HEMK2: variants seen among roughly 807,000 people sequenced by gnomAD.
The protein encoded by HEMK2 is HemK methyltransferase 2, ETF1 glutamine and histone H4 lysine.
the HEMK2 span, among the ~76,000 whole-genome samples, chr21:28,636,844 G>A: frequency 1.3e-3 from 200 of 152,202 alleles, 1 homozygote; most frequent in African/African-American, 4.3e-3. Flanking sequence ...ACTTTTACCC[G>A]AGTCCCTCAT....
At chr21:28,582,731 T>C in the HEMK2 span, among the ~76,000 whole-genome samples, 2 of 152,240 alleles carry the variant, frequency 1.3e-5, no homozygotes, top group Admixed American at 1.3e-4. Context: ...TACACAATTA[T>C]TGATATCTTA....
chr21:28,734,539 TGTAAAACAATTATA>T, the HEMK2 span, among the ~76,000 whole-genome samples: 2 of 152,200 alleles, frequency 1.3e-5, no homozygotes, highest in African/African-American at 4.8e-5. Flanking sequence ...TTACATGAAG[TGTAAAACAATTATA>T]AATGAATTGT....
chr21:28,863,410 TTATATATATATATA>T, the HEMK2 span, among the ~76,000 whole-genome samples: 551 of 38,828 alleles, frequency 0.014, 23 homozygotes, highest in Middle Eastern at 0.023. Context: ...AAACTCCCTT[TTATATATATATATA>T]TATATATATA....
the HEMK2 span, among the ~76,000 whole-genome samples, chr21:28,776,121 G>T: frequency 6.6e-6 from 1 of 152,218 alleles, no homozygotes; most frequent in African/African-American, 2.4e-5. Flanking sequence ...GAAAAGTCTA[G>T]CAGACAGGCA....
chr21:28,803,919 C>T, the HEMK2 span, among the ~76,000 whole-genome samples: 10 of 152,286 alleles, frequency 6.6e-5, no homozygotes, highest in East Asian at 1.2e-3. Context: ...AGAAGGGCAA[C>T]GAGTTATGCA....
chr21:28,652,745 A>G, the HEMK2 span, among the ~76,000 whole-genome samples: 2 of 152,072 alleles, frequency 1.3e-5, no homozygotes. Flanking sequence ...TAAGACATAA[A>G]CCAGATTATC....
At chr21:28,766,494 C>T in the HEMK2 span, among the ~76,000 whole-genome samples, 12,796 of 151,928 alleles carry the variant, frequency 0.084, 1,236 homozygotes, top group African/African-American at 0.23. Flanking sequence ...CCAGCAATCA[C>T]ACTACTGGCT....
the HEMK2 span, chr21:28,674,962 T>C: frequency 6.6e-5 from 10 of 152,330 alleles, no homozygotes; most frequent in African/African-American, 1.9e-4. Flanking sequence ...TTTAATACTA[T>C]TGAATTGGGA....
At chr21:28,700,117 C>T in the HEMK2 span, among the ~76,000 whole-genome samples, 1 of 152,182 alleles carries the variant, frequency 6.6e-6, no homozygotes, top group East Asian at 1.9e-4. Flanking sequence ...CCAGGGTGTC[C>T]CCATCTCTCT....
the HEMK2 span, among the ~76,000 whole-genome samples, chr21:28,680,732 C>G: frequency 1.3e-5 from 2 of 152,182 alleles, no homozygotes; most frequent in Non-Finnish European, 2.9e-5. Context: ...CCCTGGGATG[C>G]AAGGCTGGTT....
At chr21:28,624,389 C>T in the HEMK2 span, among the ~76,000 whole-genome samples, 1 of 152,146 alleles carries the variant, frequency 6.6e-6, no homozygotes, top group East Asian at 1.9e-4. Context: ...CACTTCTCTC[C>T]GTAATACATA....
At chr21:28,576,711 GT>G in the HEMK2 span, among the ~76,000 whole-genome samples, 2 of 151,898 alleles carry the variant, frequency 1.3e-5, no homozygotes, top group African/African-American at 4.8e-5. Flanking sequence ...TTCTGGGTTT[GT>G]TTTGTTTTGT....
At chr21:28,666,810 C>T in the HEMK2 span, among the ~76,000 whole-genome samples, 7 of 152,086 alleles carry the variant, frequency 4.6e-5, no homozygotes, top group Non-Finnish European at 1.0e-4. Context: ...AAAATATAGT[C>T]GTTAGTTCTC....
chr21:28,712,033 C>T, the HEMK2 span, among the ~76,000 whole-genome samples: 1 of 152,152 alleles, frequency 6.6e-6, no homozygotes, highest in Admixed American at 6.5e-5. Context: ...ATCATAATAC[C>T]ATCACCTTGG....
the HEMK2 span, among the ~76,000 whole-genome samples, chr21:28,788,028 C>T: frequency 6.6e-6 from 1 of 151,736 alleles, no homozygotes; most frequent in Non-Finnish European, 1.5e-5. Context: ...CTATTTCAAA[C>T]TAGACTATAA....
chr21:28,577,474 C>A, the HEMK2 span: 2 of 152,144 alleles, frequency 1.3e-5, no homozygotes, highest in African/African-American at 4.8e-5. Context: ...TATAAGTTTT[C>A]TTTATCCATA....
the HEMK2 span, among the ~76,000 whole-genome samples, chr21:28,762,275 A>C: frequency 6.6e-6 from 1 of 152,144 alleles, no homozygotes; most frequent in Non-Finnish European, 1.5e-5. Flanking sequence ...AATCCTTTAA[A>C]GGCTTGCACA....
chr21:28,755,577 C>T, the HEMK2 span, among the ~76,000 whole-genome samples: 1 of 152,164 alleles, frequency 6.6e-6, no homozygotes, highest in African/African-American at 2.4e-5. Context: ...TCAGGAATCA[C>T]CTTTATGTTT....
At chr21:28,764,615 CA>C in the HEMK2 span, among the ~76,000 whole-genome samples, 2 of 152,236 alleles carry the variant, frequency 1.3e-5, no homozygotes, top group African/African-American at 4.8e-5. Context: ...TCAGCATCTT[CA>C]GGAGAGAATA....
Sources: allele counts gnomAD v4.1 joint callset (sites outside exome capture counted in the v4.1 genomes callset), GRCh38; gene constraint gnomAD v4.1.1; transcripts MANE v1.5; gene names NCBI Gene and HGNC (gene_info 2026-07-23, HGNC 2026-07-21).